RNF144A: variants seen among roughly 807,000 people sequenced by gnomAD.
RNF144A encodes the protein E3 ubiquitin-protein ligase RNF144A.
In RNF144A, 11 loss-of-function variants were observed where a neutral mutation model predicts 38.7. The observed-to-expected ratio is 0.28, with a 90% confidence interval of 0.18 to 0.47. The LOEUF (loss-of-function observed/expected upper bound fraction) is 0.47. RNF144A is among the 20% of genes least tolerant of loss of function. The probability of loss-of-function intolerance (pLI) is 0.99; values close to 1 mark genes in which losing one functional copy is unlikely to be tolerated. For missense variants in RNF144A, 316 were observed against 377.2 expected, an observed-to-expected ratio of 0.84 and a Z score of 1.34; for synonymous variants, 149 against 143.9, an observed-to-expected ratio of 1.04 and a Z score of -0.25.
At chr2:7,059,984 TAC>T (rs1673890544) in intron 6 of RNF144A, among the ~76,000 whole-genome samples, 4 of 152,350 alleles carry the variant, frequency 2.6e-5, no homozygotes, top group African/African-American at 7.2e-5. Flanking sequence ...TGTTTATACT[TAC>T]AGTCTTAAAA....
In RNF144A at chr2:7,040,635, G is replaced by A. The variant is rs1251733481; in HGVS notation, c.*875G>A. 8 of 985,268 alleles carry A rather than the reference G, an allele frequency of 8.1e-6. No homozygotes were observed. In the African/African-American group the frequency reaches 1.0e-4, roughly 13 times the overall value. The allele number at this position is 985,268 out of a possible 1,614,324, so 61.0% of individuals were successfully genotyped here. A position where few individuals can be genotyped will look rare whatever the true frequency, so the allele number is the denominator to read the frequency against. On this transcript the variant is annotated 3_prime_UTR_variant, in exon 9 of 9. Transcript: ENST00000320892. Reference sequence around the variant, plus strand: ...TGTATTCAATCCCACTGCTTTGCTCGGCAATGGTTCTCCTCCGAATTGCTG... The same window carrying A: ...TGTATTCAATCCCACTGCTTTGCTCAGCAATGGTTCTCCTCCGAATTGCTG...
chr2:7,013,694 A>T (rs1370209159), intron 3 of RNF144A, among the ~76,000 whole-genome samples: 1 of 152,244 alleles, frequency 6.6e-6, no homozygotes, highest in Non-Finnish European at 1.5e-5. Flanking sequence ...TCAGGGAAAC[A>T]CTAGATTTCT....
Position 7,044,005 on chromosome 2 carries a change from C to T in RNF144A, c.*4245C>T. 1 of 985,710 alleles carries T rather than the reference C, an allele frequency of 1.0e-6. No homozygotes were observed. Among genetic ancestry groups the T allele is most frequent in the South Asian group, 4.7e-5 (1 of 21,286 alleles). The allele number at this position is 985,710 out of a possible 1,614,324, so 61.1% of individuals were successfully genotyped here. ...ACTAACACTGTGATGTATAAAAGAG[C>T]TGTTTGAATGCCTTTTAATGTTGTG... On this transcript the variant is annotated 3_prime_UTR_variant, in exon 9 of 9. Transcript: ENST00000320892.
chr2:6,956,364 A>G (rs1667000558), intron 2 of RNF144A, among the ~76,000 whole-genome samples: 1 of 152,200 alleles, frequency 6.6e-6, no homozygotes. Flanking sequence ...AAGTAGCCCA[A>G]CAAGAGAGTC....
At chr2:7,032,326 C>T (rs1013850708) in intron 8 of RNF144A, among the ~76,000 whole-genome samples, 5 of 152,000 alleles carry the variant, frequency 3.3e-5, no homozygotes, top group East Asian at 3.9e-4. Context: ...CTGGAATCCG[C>T]GCCCCTTGCA....
chr2:6,937,424 G>A (rs1665663054), intron 1 of RNF144A, among the ~76,000 whole-genome samples: 1 of 152,184 alleles, frequency 6.6e-6, no homozygotes, highest in Non-Finnish European at 1.5e-5. Flanking sequence ...CTGTGGCCAG[G>A]CTCTCTTTAT....
At chr2:6,938,433 A>T (rs1176754693) in intron 1 of RNF144A, among the ~76,000 whole-genome samples, 1 of 151,832 alleles carries the variant, frequency 6.6e-6, no homozygotes, top group East Asian at 1.9e-4. Flanking sequence ...TTTTTAGTAG[A>T]GATGGGATTT....
At position 6,996,946 on chromosome 2, in the gene RNF144A, G is replaced by A. The variant is rs774407276; in HGVS notation, c.20G>A (p.Arg7Gln). The change falls in exon 3 of 9, where the codon CGG (arginine) becomes CAG (glutamine). Residue 7 changes from arginine to glutamine, a missense_variant. Coordinates refer to ENST00000320892, the MANE Select transcript of RNF144A (RefSeq NM_014746.6). MTTTRYRPTWDLALDPL... is the reference protein window; with the variant it reads MTTTRYQPTWDLALDPL... ...TCTGCGATGACCACAACAAGGTACCGGCCCACCTGGGACCTGGCCCTCGAC... is the reference window on the plus strand; with the variant it reads ...TCTGCGATGACCACAACAAGGTACCAGCCCACCTGGGACCTGGCCCTCGAC... 2.5e-5 allele frequency: 40 copies of A among 1,613,746 alleles called. 1 individual carries two copies. In the Admixed American group the frequency reaches 4.7e-4, roughly 19 times the overall value.
In RNF144A at chr2:6,979,187, A is replaced by T. The variant is rs191536196; in HGVS notation, c.-11-17729A>T. ...GAGATGTCTCTTCTGAATGAGTGGGAGGCGCTGCTGTGGGTTGACCCTGAG... is the reference window on the plus strand; with the variant it reads ...GAGATGTCTCTTCTGAATGAGTGGGTGGCGCTGCTGTGGGTTGACCCTGAG... On this transcript the variant is annotated intron_variant, in intron 2 of 8. Transcript: ENST00000320892. 1.6e-3 allele frequency among the ~76,000 whole-genome samples: 239 copies of T among 152,200 alleles called. 2 individuals are homozygous for T. Among genetic ancestry groups the T allele is most frequent in the East Asian group, 2.3e-3 (12 of 5,176 alleles).
At chr2:6,963,271 G>A (rs930630023) in intron 2 of RNF144A, among the ~76,000 whole-genome samples, 6 of 152,170 alleles carry the variant, frequency 3.9e-5, no homozygotes, top group Non-Finnish European at 5.9e-5. Context: ...GTTTGTGTCC[G>A]TTTGGAGGTA....
At chr2:6,996,720 T>C in intron 2 of RNF144A, 196 bp from the exon 3 acceptor site, 1 of 571,710 alleles carries the variant, frequency 1.7e-6, no homozygotes, top group Non-Finnish European at 3.1e-6. Flanking sequence ...ACCACTGTAC[T>C]CCAACCTGGA....
At chr2:7,059,507 G>A (rs776627333) in intron 6 of RNF144A, among the ~76,000 whole-genome samples, 2 of 152,160 alleles carry the variant, frequency 1.3e-5, no homozygotes, top group Non-Finnish European at 2.9e-5. Flanking sequence ...ATGTTGTCTG[G>A]TAGGGTTATT....
intron 2 of RNF144A, among the ~76,000 whole-genome samples, chr2:6,954,934 A>G (rs1179432432): frequency 6.6e-6 from 1 of 152,244 alleles, no homozygotes; most frequent in East Asian, 1.9e-4. Flanking sequence ...AACATTTATA[A>G]GGTGACCCAC....
chr2:7,033,932 G>C (rs1241363874), intron 8 of RNF144A, among the ~76,000 whole-genome samples: 1 of 152,160 alleles, frequency 6.6e-6, no homozygotes, highest in Non-Finnish European at 1.5e-5. Context: ...CAGGGCTAAT[G>C]GTCCTCGTGC....
At chr2:6,924,255 T>G (rs565884753) in intron 1 of RNF144A, among the ~76,000 whole-genome samples, 64 of 152,254 alleles carry the variant, frequency 4.2e-4, no homozygotes, top group African/African-American at 1.5e-3. Context: ...ACCATGTAAG[T>G]GAGATCCAGA....
intron 6 of RNF144A, among the ~76,000 whole-genome samples, chr2:7,052,726 TG>T (rs1673577612): frequency 1.3e-5 from 2 of 152,106 alleles, no homozygotes; most frequent in African/African-American, 4.8e-5. Flanking sequence ...AGGTTTCTGT[TG>T]TAACATGGGG....
intron 2 of RNF144A, among the ~76,000 whole-genome samples, chr2:6,993,503 C>G (rs1669527388): frequency 6.6e-6 from 1 of 152,166 alleles, no homozygotes; most frequent in African/African-American, 2.4e-5. Flanking sequence ...TGGGAACAAG[C>G]ACGATGGGGC....
intron 6 of RNF144A, among the ~76,000 whole-genome samples, chr2:7,055,166 CCTTCT>C (rs924112495): frequency 2.6e-5 from 4 of 152,044 alleles, no homozygotes; most frequent in Non-Finnish European, 5.9e-5. Flanking sequence ...CTGCTTTGTG[CCTTCT>C]CTTCTCTTCT....
rs1301817508 is a variant in RNF144A, at chr2:6,917,450, T to A, written c.-384T>A. 6.8e-6 allele frequency: 1 copy of A among 146,326 alleles called. No individual in the cohort carries two copies. Among genetic ancestry groups the A allele is most frequent in the Non-Finnish European group, 1.5e-5 (1 of 65,920 alleles). 9.1% of individuals were successfully genotyped at this position (146,326 alleles called of 1,614,324 possible). On this transcript the variant is annotated 5_prime_UTR_variant, in exon 1 of 9. Transcript: ENST00000320892. This position sits in a 1 kb window ranked among gnomAD's most constrained non-coding sequence, Gnocchi z 4.8. ...CGCGCCCCGCCCGCGCAGCCGCTTC[T>A]CCCCGCGCGGGCTCTCGGCAGGCGG...
Sources: gnomAD v4.1 joint callset for allele counts (sites outside exome capture counted in the v4.1 genomes callset) on GRCh38, gnomAD v4.1.1 for gene constraint, Gnocchi (gnomAD v3.1) non-coding constraint, MANE v1.5 for transcripts, NCBI Gene and HGNC (gene_info 2026-07-23, HGNC 2026-07-21) for gene names.